Variants in ATRNL1 observed in about 807,000 individuals in gnomAD.
ATRNL1 encodes attractin-like protein 1.
Under a neutral mutation model 182.7 loss-of-function variants are expected in ATRNL1, and 95 were observed. The ratio of observed to expected loss-of-function variants is 0.52; its 90% CI spans 0.44 to 0.62. ATRNL1 has a LOEUF of 0.62. ATRNL1 is among the 20% of genes least tolerant of loss of function. The pLI, the probability that ATRNL1 is intolerant of heterozygous loss-of-function variation, is 0.00. For synonymous variants in ATRNL1, 576 were observed against 568.3 expected, an observed-to-expected ratio of 1.01 and a Z score of -0.19; for missense variants, 1,471 against 1,679.5, an observed-to-expected ratio of 0.88 and a Z score of 2.17.
chr10:115,326,800 C>G (rs1281568987), intron 18 of ATRNL1, among the ~76,000 whole-genome samples: 2 of 152,180 alleles, frequency 1.3e-5, no homozygotes, highest in African/African-American at 4.8e-5. Flanking sequence ...ACTATCTGAT[C>G]TTTGACAAAC....
intron 21 of ATRNL1, among the ~76,000 whole-genome samples, chr10:115,458,152 A>G: frequency 6.6e-6 from 1 of 152,070 alleles, no homozygotes; most frequent in East Asian, 1.9e-4. Flanking sequence ...TATATCCTGT[A>G]CCCTACTTAG....
At chr10:115,750,515 A>T (rs1416790844) in intron 27 of ATRNL1, among the ~76,000 whole-genome samples, 1 of 151,904 alleles carries the variant, frequency 6.6e-6, no homozygotes, top group African/African-American at 2.4e-5. Context: ...TTACTAGGAG[A>T]AAACAAAGGT....
chr10:115,799,287 C>T (rs1329651818), intron 27 of ATRNL1, among the ~76,000 whole-genome samples: 2 of 152,100 alleles, frequency 1.3e-5, no homozygotes, highest in African/African-American at 2.4e-5. Flanking sequence ...AATAACACAC[C>T]TGGCAATAAT....
chr10:115,674,442 C>A (rs1349745550), intron 26 of ATRNL1, among the ~76,000 whole-genome samples: 4 of 152,010 alleles, frequency 2.6e-5, no homozygotes, highest in Non-Finnish European at 4.4e-5. Flanking sequence ...ACTACCTGGC[C>A]TATTCTTGAA....
In ATRNL1 at chr10:115,171,174, T is replaced by G. The variant is rs1554885450; in HGVS notation, c.1230T>G (p.Ala410=). Reference sequence around the variant, plus strand: ...TTCTTGGACATGGTCAGCAGTATGCTGTGGAGGGACATTCAGCACATATTA... The same window carrying G: ...TTCTTGGACATGGTCAGCAGTATGCGGTGGAGGGACATTCAGCACATATTA... ...PTVLGHGQQY[A]VEGHSAHIME... Residue 410 remains alanine, a synonymous_variant, in exon 8 of 29, where the codon GCT becomes GCG. Transcript: ENST00000355044. 6.2e-7 allele frequency: 1 copy of G among 1,611,652 alleles called. No individual in the cohort carries two copies.
intron 8 of ATRNL1, among the ~76,000 whole-genome samples, chr10:115,209,195 C>T (rs1269150719): frequency 6.6e-6 from 1 of 151,560 alleles, no homozygotes; most frequent in Non-Finnish European, 1.5e-5. Flanking sequence ...ATATTTATTT[C>T]TCTTTAAAGA....
intron 19 of ATRNL1, among the ~76,000 whole-genome samples, chr10:115,394,199 C>T (rs1554954972): frequency 6.6e-6 from 1 of 151,864 alleles, no homozygotes; most frequent in African/African-American, 2.4e-5. Flanking sequence ...CACATCAATC[C>T]TGGAAGCTAA....
chr10:115,144,261 C>T (rs1471684401), intron 5 of ATRNL1, among the ~76,000 whole-genome samples: 1 of 152,138 alleles, frequency 6.6e-6, no homozygotes, highest in Non-Finnish European at 1.5e-5. Flanking sequence ...TATTCTCCTG[C>T]CTCAGCCTCC....
intron 11 of ATRNL1, among the ~76,000 whole-genome samples, chr10:115,265,810 T>G (rs2133881679): frequency 6.6e-6 from 1 of 151,956 alleles, no homozygotes; most frequent in Non-Finnish European, 1.5e-5. Context: ...ATAATTTTTG[T>G]ATTTCTATGG....
chr10:115,654,131 C>T (rs1286333796), intron 26 of ATRNL1, among the ~76,000 whole-genome samples: 9 of 152,072 alleles, frequency 5.9e-5, no homozygotes, highest in African/African-American at 2.2e-4. Context: ...ATTGACATTT[C>T]CTGAAAACAT....
rs369084869 is a variant in ATRNL1 at position 115,595,516 on chromosome 10, C to A, written c.3795+45980C>A. Among the ~76,000 whole-genome samples, 25 of 152,190 alleles carry A rather than the reference C, an allele frequency of 1.6e-4. No homozygotes were observed. In the South Asian group the frequency reaches 5.0e-3, roughly 30 times the overall value. On this transcript the variant is annotated intron_variant, in intron 26 of 28. Coordinates refer to ENST00000355044, the MANE Select transcript of ATRNL1 (RefSeq NM_207303.4). ...TGTTAATATGTTAAATTTATTAAGG[C>A]AGTAGTTAAGAGCTTAATTGTTGTG...
chr10:115,639,715 C>A (rs1859109619), intron 26 of ATRNL1, among the ~76,000 whole-genome samples: 1 of 151,600 alleles, frequency 6.6e-6, no homozygotes, highest in Non-Finnish European at 1.5e-5. Flanking sequence ...ATAAATAAAT[C>A]AAAATAGATT....
chr10:115,856,164 C>CA (rs1330593739), intron 28 of ATRNL1, among the ~76,000 whole-genome samples: 2 of 152,062 alleles, frequency 1.3e-5, no homozygotes, highest in Admixed American at 6.6e-5. Context: ...CACGGTAGCT[C>CA]ATGCCTGTAA....
rs1844661198 is a variant in ATRNL1, at chr10:115,120,101, A to G, written c.294-84A>G. 6.1e-6 allele frequency: 5 copies of G among 813,660 alleles called. No homozygotes were observed. In the South Asian group the frequency reaches 8.3e-5, roughly 13 times the overall value. 50.4% of individuals were successfully genotyped at this position (813,660 alleles called of 1,614,324 possible). ...TGTTATGTCCCGTTCCTTTGGCTTAATGACTTTTAAATTTTCTTATCCTGC... is the reference window on the plus strand; with the variant it reads ...TGTTATGTCCCGTTCCTTTGGCTTAGTGACTTTTAAATTTTCTTATCCTGC... On this transcript the variant is annotated intron_variant, in intron 1 of 28. Coordinates refer to ENST00000355044, the MANE Select transcript of ATRNL1 (RefSeq NM_207303.4).
At chr10:115,839,679 C>G (rs1408488317) in intron 27 of ATRNL1, among the ~76,000 whole-genome samples, 2 of 152,110 alleles carry the variant, frequency 1.3e-5, no homozygotes, top group East Asian at 3.9e-4. Context: ...CGTTACTACC[C>G]CCAGGACTCT....
Position 115,947,116 on chromosome 10 carries a change from C to CGGCA in ATRNL1, c.*2338_*2339insGCAG, listed in dbSNP as rs1214566126. ...GGCTAATTATGCAATTAATTCTCAA[C>CGGCA]GTATCAAAGCTTTTCACTGGCAGTA... On this transcript the variant is annotated 3_prime_UTR_variant, in exon 29 of 29. Coordinates refer to ENST00000355044, the MANE Select transcript of ATRNL1 (RefSeq NM_207303.4). 6.6e-6 allele frequency: 1 copy of CGGCA among 152,596 alleles called. No individual in the cohort carries two copies. Among genetic ancestry groups the CGGCA allele is most frequent in the Non-Finnish European group, 1.5e-5 (1 of 68,028 alleles). 9.5% of individuals were successfully genotyped at this position (152,596 alleles called of 1,614,324 possible).
chr10:115,828,993 T>C (rs568982037), intron 27 of ATRNL1, among the ~76,000 whole-genome samples: 1 of 152,298 alleles, frequency 6.6e-6, no homozygotes, highest in Admixed American at 6.5e-5. Context: ...GGCCTTGGAT[T>C]CAAGATAAAG....
chr10:115,330,666 T>A (rs1352671548), intron 18 of ATRNL1, among the ~76,000 whole-genome samples: 4 of 147,984 alleles, frequency 2.7e-5, no homozygotes, highest in African/African-American at 9.8e-5. Context: ...CTTTATGTGT[T>A]ATTTGCTTTT....
intron 25 of ATRNL1, among the ~76,000 whole-genome samples, chr10:115,542,738 T>C (rs1470931827): frequency 6.6e-6 from 1 of 152,098 alleles, no homozygotes; most frequent in Non-Finnish European, 1.5e-5. Context: ...GGTTAAACAA[T>C]AGAAATGTAT....
Sources: allele counts gnomAD v4.1 joint callset (sites outside exome capture counted in the v4.1 genomes callset), GRCh38; gene constraint gnomAD v4.1.1; transcripts MANE v1.5; gene names NCBI Gene and HGNC (gene_info 2026-07-23, HGNC 2026-07-21).